Variants in NEBL observed in about 807,000 individuals in gnomAD.
NEBL encodes the protein nebulette, also known as LIM and SH3 protein 2.
Under a neutral mutation model 140.2 loss-of-function variants are expected in NEBL, and 122 were observed. That is an observed-to-expected ratio of 0.87 (90% CI 0.75 to 1.01). The LOEUF is 1.01. Ranked by LOEUF, NEBL falls within the 50% of genes least tolerant of loss-of-function variation. NEBL has a pLI of 0.00. For missense variants in NEBL, 1,365 were observed against 1,231.3 expected, an observed-to-expected ratio of 1.11 and a Z score of -1.62; for synonymous variants, 436 against 398.9, an observed-to-expected ratio of 1.09 and a Z score of -1.11.
Position 21,173,849 on chromosome 10 carries a change from G to GGGCGGC in NEBL, c.-22_-17dup, listed in dbSNP as rs769094570. ...GGGGGTTCATGATCGCGGTTCCCGG[G>GGGCGGC]GGCGGCGGCGGCGGCGGCTGCTGGC... On this transcript the variant is annotated 5_prime_UTR_variant, in exon 1 of 7. Coordinates refer to the NEBL transcript ENST00000417816. This position sits in a 1 kb window ranked among gnomAD's most constrained non-coding sequence, Gnocchi z 5.7. 8.7e-5 allele frequency: 140 copies of GGGCGGC among 1,608,976 alleles called. 1 individual carries two copies. The highest frequency in any genetic ancestry group is 1.1e-4 in the Non-Finnish European group (134 of 1,179,130).
At chr10:21,006,404 G>A (rs903066862) in intron 3 of NEBL, among the ~76,000 whole-genome samples, 2 of 152,170 alleles carry the variant, frequency 1.3e-5, no homozygotes, top group Admixed American at 1.3e-4. Flanking sequence ...TTCCAAAAGA[G>A]TTAATATTTT....
intron 2 of NEBL, among the ~76,000 whole-genome samples, chr10:21,138,694 G>C (rs1236656642): frequency 6.6e-6 from 1 of 151,960 alleles, no homozygotes; most frequent in South Asian, 2.1e-4. Flanking sequence ...GTACCCACAG[G>C]AGGCTCCGAG....
intron 4 of NEBL, among the ~76,000 whole-genome samples, chr10:20,942,102 T>C (rs1589049316): frequency 1.3e-5 from 2 of 152,136 alleles, no homozygotes; most frequent in Middle Eastern, 3.2e-3. Context: ...AAAGTTCATA[T>C]GGAACCAAAA....
intron 3 of NEBL, among the ~76,000 whole-genome samples, chr10:20,995,798 T>C (rs74120592): frequency 0.013 from 2,038 of 152,264 alleles, 45 homozygotes; most frequent in African/African-American, 0.046. Context: ...CAGATGCTGC[T>C]CGGCTTGAAA....
chr10:21,026,005 C>T (rs1482669326), intron 2 of NEBL, among the ~76,000 whole-genome samples: 1 of 152,156 alleles, frequency 6.6e-6, no homozygotes, highest in African/African-American at 2.4e-5. Context: ...CTGTGTCTCA[C>T]GACCTTCATC....
chr10:20,782,323 G>A lies in NEBL; in HGVS notation c.*3424C>T, dbSNP rs1835087801. ...TATATTTGTATATATCTGTATTACA[G>A]TTTTGGTATATCTTTTATCCACTTT... On this transcript the variant is annotated 3_prime_UTR_variant, in exon 28 of 28. Transcript: ENST00000377122. 1 of 152,530 alleles carries A rather than the reference G, an allele frequency of 6.6e-6. No homozygotes were observed. The highest frequency in any genetic ancestry group is 1.5e-5 in the Non-Finnish European group (1 of 68,020). The allele number at this position is 152,530 out of a possible 1,614,324, so 9.4% of individuals were successfully genotyped here.
chr10:20,944,217 T>C (rs972840777), intron 4 of NEBL, among the ~76,000 whole-genome samples: 8 of 152,140 alleles, frequency 5.3e-5, no homozygotes, highest in African/African-American at 1.7e-4. Context: ...CTTGCCACCC[T>C]GGTGAAACCC....
At chr10:21,264,465 T>A (rs1022116960) in intron 1 of NEBL, among the ~76,000 whole-genome samples, 1 of 152,046 alleles carries the variant, frequency 6.6e-6, no homozygotes, top group Admixed American at 6.6e-5. Flanking sequence ...TTGCCACCCT[T>A]CTGCAGGTGT....
chr10:20,884,676 T>C (rs2131340998), intron 4 of NEBL, among the ~76,000 whole-genome samples: 1 of 152,348 alleles, frequency 6.6e-6, no homozygotes, highest in East Asian at 1.9e-4. Context: ...CCCCATAGCA[T>C]AGACACCTCT....
At chr10:21,181,804 T>C (rs1841392441) in intron 3 of NEBL, among the ~76,000 whole-genome samples, 2 of 152,248 alleles carry the variant, frequency 1.3e-5, no homozygotes, top group South Asian at 2.1e-4. Flanking sequence ...CATCTTTTCA[T>C]CTTCACCTCC....
intron 13 of NEBL, among the ~76,000 whole-genome samples, chr10:20,838,316 G>C (rs912250339): frequency 6.6e-6 from 1 of 152,166 alleles, no homozygotes; most frequent in Non-Finnish European, 1.5e-5. Context: ...ACTTTGAGGG[G>C]TTCAAGACTT....
intron 2 of NEBL, among the ~76,000 whole-genome samples, chr10:21,143,996 C>T (rs1009047313): frequency 4.6e-5 from 7 of 151,986 alleles, no homozygotes; most frequent in Non-Finnish European, 1.0e-4. Context: ...AATAAGATAC[C>T]ACTGAAAACT....
intron 2 of NEBL, among the ~76,000 whole-genome samples, chr10:21,095,570 T>A (rs1342978738): frequency 5.3e-5 from 8 of 152,162 alleles, no homozygotes; most frequent in African/African-American, 1.9e-4. Context: ...ATCGGATTAT[T>A]TAGGATGTGA....
chr10:20,937,874 C>T (rs147408240), intron 4 of NEBL, among the ~76,000 whole-genome samples: 3,779 of 152,244 alleles, frequency 0.025, 117 homozygotes, highest in African/African-American at 0.072. Flanking sequence ...AACTGCAAGG[C>T]GGCAGCAAGG....
At chr10:20,857,882 C>G (rs937844029) in intron 9 of NEBL, among the ~76,000 whole-genome samples, 3 of 152,086 alleles carry the variant, frequency 2.0e-5, no homozygotes, top group African/African-American at 7.2e-5. Flanking sequence ...ATACAAGACA[C>G]TCTGGTCTGG....
intron 3 of NEBL, among the ~76,000 whole-genome samples, chr10:21,247,164 T>C (rs897012805): frequency 4.6e-5 from 7 of 152,178 alleles, no homozygotes; most frequent in Non-Finnish European, 8.8e-5. Context: ...CTGTGTAGCC[T>C]GTGGAACTGT....
chr10:21,103,832 A>G (rs1837588970), intron 2 of NEBL, among the ~76,000 whole-genome samples: 1 of 152,116 alleles, frequency 6.6e-6, no homozygotes, highest in Admixed American at 6.5e-5. Flanking sequence ...TTATAGTTAT[A>G]CTTTTTGAGA....
At chr10:20,876,344 A>G (rs193199527) in intron 5 of NEBL, among the ~76,000 whole-genome samples, 71 of 152,294 alleles carry the variant, frequency 4.7e-4, no homozygotes, top group African/African-American at 1.6e-3. Context: ...TAGAAGGCAG[A>G]ATAAGTATTA....
At chr10:20,858,006 T>A (rs1843262055) in intron 9 of NEBL, among the ~76,000 whole-genome samples, 1 of 151,996 alleles carries the variant, frequency 6.6e-6, no homozygotes, top group Non-Finnish European at 1.5e-5. Context: ...TGCAGACACT[T>A]TGAAGTATAG....
Sources: allele counts gnomAD v4.1 joint callset (sites outside exome capture counted in the v4.1 genomes callset), GRCh38; gene constraint gnomAD v4.1.1; non-coding constraint Gnocchi (gnomAD v3.1); transcripts MANE v1.5; gene names NCBI Gene and HGNC (gene_info 2026-07-23, HGNC 2026-07-21).